Variants in SLC39A14 observed in about 807,000 individuals in gnomAD.
The protein encoded by SLC39A14 is solute carrier family 39 member 14, also known as metal cation symporter ZIP14.
SLC39A14 carries 19 observed loss-of-function variants against 45.5 expected under a neutral mutation model. The observed-to-expected ratio is 0.42, with a 90% CI of 0.29 to 0.61. SLC39A14 has a LOEUF of 0.61. Ranked by LOEUF, SLC39A14 falls within the 20% of genes least tolerant of loss-of-function variation. SLC39A14 has a pLI of 0.22. For synonymous variants in SLC39A14, 264 were observed against 251.3 expected, an observed-to-expected ratio of 1.05 and a Z score of -0.48; for missense variants, 447 against 616.5, an observed-to-expected ratio of 0.73 and a Z score of 2.91.
At chr8:22,405,784 C>G (rs1431361356) in intron 2 of SLC39A14, among the ~76,000 whole-genome samples, 2 of 151,854 alleles carry the variant, frequency 1.3e-5, no homozygotes, top group African/African-American at 4.8e-5. Flanking sequence ...GCTGGAACGC[C>G]AGGTCTTTGG....
At chr8:22,415,526 G>T (rs1835819943) in intron 5 of SLC39A14, 2 of 439,054 alleles carry the variant, frequency 4.6e-6, no homozygotes, top group South Asian at 3.1e-5. Flanking sequence ...AAACTTCTCA[G>T]CTCAAGCAGT....
At chr8:22,427,165 C>T (rs986482850), downstream of SLC39A14, among the ~76,000 whole-genome samples, 7 of 152,008 alleles carry the variant, frequency 4.6e-5, no homozygotes, top group Non-Finnish European at 7.4e-5. Flanking sequence ...GGTGGCACAC[C>T]CTGTAATCCC....
At chr8:22,405,963 G>A (rs771811926) in intron 2 of SLC39A14, among the ~76,000 whole-genome samples, 8 of 152,228 alleles carry the variant, frequency 5.3e-5, no homozygotes, top group Admixed American at 1.3e-4. Flanking sequence ...TGACTGTCAC[G>A]ATGGGGAGTT....
chr8:22,423,282 T>C (rs1028433503), downstream of SLC39A14, among the ~76,000 whole-genome samples: 2 of 152,052 alleles, frequency 1.3e-5, no homozygotes, highest in African/African-American at 4.8e-5. Context: ...TAGCTTGGAC[T>C]ACAGGCATGT....
intron 7 of SLC39A14, 52 bp from the exon 8 acceptor site, chr8:22,417,599 C>G: frequency 1.4e-6 from 2 of 1,475,144 alleles, no homozygotes; most frequent in Non-Finnish European, 1.9e-6. Flanking sequence ...TTCACCATGC[C>G]CATCTTACTC....
intron 5 of SLC39A14, chr8:22,415,264 G>C (rs933109158): frequency 4.4e-6 from 1 of 229,206 alleles, no homozygotes; most frequent in African/African-American, 2.3e-5. Context: ...GACTATTATA[G>C]TACAGTTTCA....
intron 2 of SLC39A14, 143 bp from the exon 3 acceptor site, chr8:22,408,167 A>G: frequency 1.4e-6 from 1 of 704,992 alleles, no homozygotes; most frequent in Non-Finnish European, 2.4e-6. Context: ...TCATCCCTAG[A>G]CTAGATGAAT....
chr8:22,417,194 T>A (rs1251131530), intron 7 of SLC39A14, among the ~76,000 whole-genome samples: 1 of 152,250 alleles, frequency 6.6e-6, no homozygotes, highest in African/African-American at 2.4e-5. Context: ...CTCGCAGTTT[T>A]GATTTTGTTT....
Position 22,422,311 on chromosome 8 carries a change from C to T in SLC39A14, c.*2613C>T. The stretch of plus-strand genomic sequence containing the variant: ...CTTCACCACCGGCACACAGCTTGCC[C>T]CTGTCTTTGCCCCCAAAGGTATTTT... On this transcript the variant is annotated 3_prime_UTR_variant, in exon 9 of 9. Coordinates refer to ENST00000381237, the MANE Select transcript of SLC39A14 (RefSeq NM_001128431.4). 1.0e-6 allele frequency: 1 copy of T among 985,724 alleles called. No individual in the cohort carries two copies. The highest frequency in any genetic ancestry group is 1.2e-6 in the Non-Finnish European group (1 of 829,948). The allele number at this position is 985,724 out of a possible 1,614,324, so 61.1% of individuals were successfully genotyped here. A position where few individuals can be genotyped will look rare whatever the true frequency, so the allele number is the denominator to read the frequency against.
intron 1 of SLC39A14, among the ~76,000 whole-genome samples, chr8:22,402,344 C>T (rs2132296988): frequency 6.6e-6 from 1 of 151,754 alleles, no homozygotes; most frequent in East Asian, 1.9e-4. Context: ...AAGATCTGGC[C>T]ACTGCACTCC....
intron 1 of SLC39A14, among the ~76,000 whole-genome samples, chr8:22,373,503 A>G (rs1277876196): frequency 6.6e-6 from 1 of 152,196 alleles, no homozygotes; most frequent in Non-Finnish European, 1.5e-5. Flanking sequence ...ATTATACCCT[A>G]AACTTCTACC....
intron 2 of SLC39A14, 110 bp from the exon 3 acceptor site, chr8:22,408,200 A>C: frequency 1.0e-6 from 1 of 966,232 alleles, no homozygotes; most frequent in Non-Finnish European, 1.6e-6. Flanking sequence ...TGAAATTTGG[A>C]CATTTCTGTC....
chr8:22,382,713 GT>G (rs1833579528), intron 1 of SLC39A14, among the ~76,000 whole-genome samples: 1 of 151,920 alleles, frequency 6.6e-6, no homozygotes, highest in Non-Finnish European at 1.5e-5. Flanking sequence ...AACCTTGAGG[GT>G]TTTGTTTTGT....
intron 1 of SLC39A14, among the ~76,000 whole-genome samples, chr8:22,403,805 C>A (rs928257361): frequency 4.6e-5 from 7 of 151,974 alleles, no homozygotes; most frequent in African/African-American, 1.4e-4. Context: ...GTAATCCCAG[C>A]TCCTCAGGAG....
At chr8:22,400,189 C>T (rs1414609020) in intron 1 of SLC39A14, among the ~76,000 whole-genome samples, 1 of 152,208 alleles carries the variant, frequency 6.6e-6, no homozygotes, top group African/African-American at 2.4e-5. Flanking sequence ...CTGAATTTAA[C>T]GTCATTCAGA....
chr8:22,377,377 C>T (rs1009591960), intron 1 of SLC39A14, among the ~76,000 whole-genome samples: 10 of 152,110 alleles, frequency 6.6e-5, no homozygotes, highest in South Asian at 2.1e-4. Context: ...CACTTCTCCA[C>T]GGAGTCCTGC....
intron 4 of SLC39A14, among the ~76,000 whole-genome samples, chr8:22,413,355 T>C (rs1174740356): frequency 1.3e-5 from 2 of 152,238 alleles, no homozygotes; most frequent in Admixed American, 6.5e-5. Context: ...CGTTGGAATC[T>C]GACCTGCACA....
chr8:22,370,364 G>A (rs564743320), intron 1 of SLC39A14, among the ~76,000 whole-genome samples: 36 of 152,282 alleles, frequency 2.4e-4, no homozygotes, highest in Admixed American at 5.9e-4. Context: ...TAGATTGTGC[G>A]TGCCTGGGAA....
chr8:22,395,638 T>A (rs1834342250), intron 1 of SLC39A14, among the ~76,000 whole-genome samples: 4 of 152,248 alleles, frequency 2.6e-5, no homozygotes, highest in Admixed American at 2.0e-4. Flanking sequence ...TCCTCTTTTT[T>A]AGTAAGCCTG....
Sources: gnomAD v4.1 joint callset for allele counts (sites outside exome capture counted in the v4.1 genomes callset) on GRCh38, gnomAD v4.1.1 for gene constraint, MANE v1.5 for transcripts, NCBI Gene and HGNC (gene_info 2026-07-23, HGNC 2026-07-21) for gene names.